DRC8: variants seen among roughly 807,000 people sequenced by gnomAD.
DRC8 encodes dynein regulatory complex protein 8.
the DRC8 span, among the ~76,000 whole-genome samples, chr1:245,025,883 T>C: frequency 6.6e-6 from 1 of 152,214 alleles, no homozygotes; most frequent in Non-Finnish European, 1.5e-5. Context: ...ATGTAAGATG[T>C]GCCTCTGCTC....
At chr1:245,034,782 A>T in the DRC8 span, among the ~76,000 whole-genome samples, 1 of 152,022 alleles carries the variant, frequency 6.6e-6, no homozygotes, top group Admixed American at 6.5e-5. Context: ...AAGAAAGCAG[A>T]AAGGAGAAAT....
At chr1:245,093,559 G>C in the DRC8 span, among the ~76,000 whole-genome samples, 30 of 151,888 alleles carry the variant, frequency 2.0e-4, no homozygotes, top group Non-Finnish European at 4.1e-4. Flanking sequence ...TTAGCCAGGC[G>C]TGGTGGTGCA....
At chr1:245,059,441 C>T in the DRC8 span, 1 of 1,612,742 alleles carries the variant, frequency 6.2e-7, no homozygotes, top group South Asian at 1.1e-5. Flanking sequence ...AGGAGAGCTG[C>T]ATGATCTGAT....
At chr1:245,040,195 T>A in the DRC8 span, among the ~76,000 whole-genome samples, 1 of 152,184 alleles carries the variant, frequency 6.6e-6, no homozygotes, top group Non-Finnish European at 1.5e-5. Context: ...CGGCAGCCAT[T>A]GGGCAATGTG....
At chr1:245,076,086 C>T in the DRC8 span, among the ~76,000 whole-genome samples, 2 of 152,194 alleles carry the variant, frequency 1.3e-5, no homozygotes, top group African/African-American at 2.4e-5. Flanking sequence ...TGGCATTTTA[C>T]GGATAGGCGG....
the DRC8 span, among the ~76,000 whole-genome samples, chr1:245,000,112 C>T: frequency 8.5e-5 from 13 of 152,252 alleles, no homozygotes; most frequent in Non-Finnish European, 1.5e-5. Flanking sequence ...AGCCACCACA[C>T]CCGGCCAATA....
chr1:245,063,403 A>G, the DRC8 span, among the ~76,000 whole-genome samples: 1 of 152,214 alleles, frequency 6.6e-6, no homozygotes, highest in African/African-American at 2.4e-5. Flanking sequence ...GTACTCCCCT[A>G]GCTCCTAGTT....
the DRC8 span, chr1:245,087,530 AGTAT>A: frequency 7.5e-7 from 1 of 1,341,646 alleles, no homozygotes; most frequent in Non-Finnish European, 9.5e-7. Context: ...AACCAAATTT[AGTAT>A]GTCTAGCCTT....
At chr1:245,069,700 A>G in the DRC8 span, among the ~76,000 whole-genome samples, 1 of 152,214 alleles carries the variant, frequency 6.6e-6, no homozygotes, top group Admixed American at 6.5e-5. Context: ...GAGAGCTGTT[A>G]CACAACAATG....
the DRC8 span, among the ~76,000 whole-genome samples, chr1:245,008,415 A>G: frequency 7.9e-5 from 12 of 152,158 alleles, no homozygotes; most frequent in African/African-American, 2.4e-4. Context: ...TGTATTTAAA[A>G]TGTTAAAGGT....
chr1:244,987,857 A>T, the DRC8 span, among the ~76,000 whole-genome samples: 2 of 152,182 alleles, frequency 1.3e-5, no homozygotes, highest in African/African-American at 4.8e-5. Flanking sequence ...GTATCTAATT[A>T]GATATTTAAA....
chr1:245,018,793 C>T, the DRC8 span, among the ~76,000 whole-genome samples: 3 of 152,132 alleles, frequency 2.0e-5, no homozygotes, highest in African/African-American at 7.2e-5. Context: ...CCAGAGGCTT[C>T]ACGTGGATTA....
chr1:244,985,063 T>C, the DRC8 span, among the ~76,000 whole-genome samples: 1 of 145,078 alleles, frequency 6.9e-6, no homozygotes, highest in Non-Finnish European at 1.5e-5. Flanking sequence ...CAAGGATGTC[T>C]TCTGTCTCCA....
At chr1:245,058,774 G>A in the DRC8 span, among the ~76,000 whole-genome samples, 47 of 152,326 alleles carry the variant, frequency 3.1e-4, no homozygotes, top group East Asian at 9.1e-3. Flanking sequence ...CATATTTATT[G>A]AGTCGCTGCT....
chr1:245,047,395 G>A, the DRC8 span, among the ~76,000 whole-genome samples: 1 of 152,248 alleles, frequency 6.6e-6, no homozygotes, highest in South Asian at 2.1e-4. Flanking sequence ...AGCACTTTGG[G>A]AGGCTAAGGC....
At chr1:245,084,467 C>A in the DRC8 span, among the ~76,000 whole-genome samples, 53,288 of 151,996 alleles carry the variant, frequency 0.35, 9,689 homozygotes, top group Middle Eastern at 0.43. Context: ...GTTAATTGAA[C>A]CATATATATT....
chr1:245,038,485 G>C, the DRC8 span, among the ~76,000 whole-genome samples: 3 of 152,068 alleles, frequency 2.0e-5, no homozygotes, highest in Non-Finnish European at 4.4e-5. Context: ...AAAAAGTAGG[G>C]TGGTGAGTTT....
the DRC8 span, among the ~76,000 whole-genome samples, chr1:244,993,943 CA>C: frequency 7.1e-6 from 1 of 140,034 alleles, no homozygotes; most frequent in Admixed American, 6.9e-5. Flanking sequence ...TTTGGGGATA[CA>C]TTTTTTTTTT....
the DRC8 span, among the ~76,000 whole-genome samples, chr1:245,114,387 A>C: frequency 0.65 from 98,677 of 151,610 alleles, 34,150 homozygotes; most frequent in East Asian, 0.87. Flanking sequence ...ATTGCTTGAA[A>C]CCCGGAGGCA....
Sources: gnomAD v4.1 joint callset for allele counts (sites outside exome capture counted in the v4.1 genomes callset) on GRCh38, gnomAD v4.1.1 for gene constraint, MANE v1.5 for transcripts, NCBI Gene and HGNC (gene_info 2026-07-23, HGNC 2026-07-21) for gene names.